The following DNAH17 variants were observed in gnomAD, a reference collection of about 807,000 sequenced individuals.
DNAH17 encodes the protein dynein axonemal heavy chain 17.
DNAH17 carries 376 observed loss-of-function variants against 485.6 expected under a neutral mutation model. The observed-to-expected ratio is 0.77, with a 90% CI of 0.71 to 0.84. DNAH17 has a LOEUF of 0.84. Among genes scored for constraint, DNAH17 ranks in the 40% least tolerant of loss-of-function variants. DNAH17 has a pLI of 0.00. For missense variants in DNAH17, 6,370 were observed against 5,839.3 expected (o/e 1.09, Z -2.96); for synonymous variants, 3,031 against 2,405.9 (o/e 1.26, Z -7.60).
At chr17:78,466,853 A>G in intron 55 of DNAH17, 37 bp from the exon 56 acceptor site, 1 of 1,516,460 alleles carries the variant, frequency 6.6e-7, no homozygotes, top group Non-Finnish European at 8.9e-7. Context: ...GCCTACTGGG[A>G]CTGCAGTGCT....
At chr17:78,447,388 C>T (rs979292608) in intron 69 of DNAH17, among the ~76,000 whole-genome samples, 3 of 152,158 alleles carry the variant, frequency 2.0e-5, no homozygotes, top group Non-Finnish European at 4.4e-5. Context: ...CATGCCGGCC[C>T]TCTGGACCTC....
chr17:78,523,611 A>G (rs948288860), intron 25 of DNAH17, among the ~76,000 whole-genome samples: 1 of 152,266 alleles, frequency 6.6e-6, no homozygotes, highest in Non-Finnish European at 1.5e-5. Flanking sequence ...TATAGATGTC[A>G]AATAAGCCCA....
chr17:78,561,803 G>C lies in DNAH17; in HGVS notation c.1747C>G (p.Pro583Ala), dbSNP rs369400346. Residue 583 changes from proline (P) to alanine (A), a missense_variant, in exon 12 of 81, where the codon CCT becomes GCT. Transcript: ENST00000389840. ...GNIPLIHKNMPPVAGQLKWSL... is the reference protein window; with the variant it reads ...GNIPLIHKNMAPVAGQLKWSL... ...CATTTGAGCTGCCCGGCCACGGGAG[G>C]CATGTTTTTGTGGATCAGGGGGATG... 6.8e-6 allele frequency: 11 copies of C among 1,613,680 alleles called. No individual in the cohort carries two copies. Among genetic ancestry groups the C allele is most frequent in the African/African-American group, 4.0e-5 (3 of 74,924 alleles).
chr17:78,467,398 C>T (rs2088522349), intron 55 of DNAH17, among the ~76,000 whole-genome samples: 1 of 152,224 alleles, frequency 6.6e-6, no homozygotes, highest in African/African-American at 2.4e-5. Flanking sequence ...CACTGCTTAG[C>T]TGACTTTGCA....
rs1242299413 is a variant in DNAH17 at position 78,454,569 on chromosome 17, T to A, written c.10307A>T (p.Glu3436Val). The change falls in exon 64 of 81, where the codon GAG (glutamate) becomes GTG (valine). Residue 3436 changes from glutamate to valine, a missense_variant. Coordinates refer to ENST00000389840, the MANE Select transcript of DNAH17 (RefSeq NM_173628.4). The stretch of plus-strand genomic sequence containing the variant: ...GGCGTCCACGATCAGCGGCCACCGC[T>A]CGGTGTTGCCCAGGATGGTGGCATT... Reference protein sequence around the residue: ...TENATILGNTERWPLIVDAQL... With the variant: ...TENATILGNTVRWPLIVDAQL... 1 of 1,612,988 alleles carries A rather than the reference T, an allele frequency of 6.2e-7. No individual in the cohort carries two copies. Among genetic ancestry groups the A allele is most frequent in the East Asian group, 2.2e-5 (1 of 44,826 alleles).
intron 4 of DNAH17, 49 bp downstream of exon 4, chr17:78,571,541 C>T (rs1018802091): frequency 9.4e-6 from 15 of 1,601,606 alleles, no homozygotes; most frequent in African/African-American, 8.0e-5. Context: ...TCGGCCCGGT[C>T]GCCCAGCTGG....
chr17:78,458,854 G>A, intron 61 of DNAH17, 147 bp downstream of exon 61: 2 of 1,069,082 alleles, frequency 1.9e-6, no homozygotes, highest in Non-Finnish European at 2.8e-6. Context: ...GGCACCATCT[G>A]GCCCCTGCCT....
intron 61 of DNAH17, 116 bp downstream of exon 61, chr17:78,458,885 T>C (rs1598483563): frequency 1.6e-6 from 2 of 1,241,520 alleles, no homozygotes; most frequent in African/African-American, 3.0e-5. Context: ...CCTCTTGCAC[T>C]GCTGAATAAT....
At position 78,486,014 on chromosome 17, in the gene DNAH17, C is replaced by T. The variant is rs374152560; in HGVS notation, c.7221G>A (p.Leu2407=). The T allele has an allele frequency of 7.7e-5, 125 of 1,613,906 alleles. No homozygotes were observed. In the African/African-American group the frequency reaches 1.6e-3, roughly 21 times the overall value. Residue 2407 remains leucine (L), a synonymous_variant, in exon 46 of 81, where the codon CTG becomes CTA. Transcript: ENST00000389840. ...AGGAGGGCACTTTATCTGTCCAGGG[C>T]AGGAACTTTTTTGTGTCAGGATCAA... is the stretch of plus-strand genomic sequence containing the variant. ...YYIDPDTKKF[L]PWTDKVPSFE... is the part of the protein sequence containing the mutation.
chr17:78,452,724 C>T (rs137892320), intron 65 of DNAH17, among the ~76,000 whole-genome samples: 1 of 152,186 alleles, frequency 6.6e-6, no homozygotes, highest in African/African-American at 2.4e-5. Context: ...GACGACAGAG[C>T]GAGACTCCAT....
chr17:78,472,739 G>C (rs937350275), intron 54 of DNAH17: 1 of 454,392 alleles, frequency 2.2e-6, no homozygotes, highest in African/African-American at 2.0e-5. Context: ...GCCCTCGCTG[G>C]CCCTGGTTTC....
At position 78,459,701 on chromosome 17, in the gene DNAH17, G is replaced by A. The variant is rs932475802; in HGVS notation, c.9653+83C>T. 4.0e-6 allele frequency: 6 copies of A among 1,494,286 alleles called. No individual in the cohort carries two copies. The African/African-American group carries it at 5.5e-5, about 14-fold the overall frequency. The allele number at this position is 1,494,286 out of a possible 1,614,324, so 92.6% of individuals were successfully genotyped here. A position where few individuals can be genotyped will look rare whatever the true frequency, so the allele number is the denominator to read the frequency against. The stretch of plus-strand genomic sequence containing the variant: ...GAGCCACAGGCCCCAAGAGCCTGAG[G>A]CCATGCTTCACCTCAGCATCGTGCC... On this transcript the variant is annotated intron_variant, in intron 60 of 80. Coordinates refer to ENST00000389840, the MANE Select transcript of DNAH17 (RefSeq NM_173628.4).
Position 78,496,016 on chromosome 17 carries a change from T to C in DNAH17, c.5762A>G (p.Asp1921Gly). The C allele has an allele frequency of 6.8e-6, 11 of 1,613,866 alleles. No individual in the cohort carries two copies. Among genetic ancestry groups the C allele is most frequent in the Non-Finnish European group, 9.3e-6 (11 of 1,179,816 alleles). ...VIAVQVKCVQ[D>G]AIRAKKKAFN... ...TGCTTTTTTCTTGGCCCGAATTGCA[T>C]CCTGGACACATTTTACCTGCACGGT... The change falls in exon 38 of 81, where the codon GAT becomes GGT. Residue 1921 changes from aspartate to glycine, a missense_variant. By Grantham distance (94) the Asp-to-Gly change is moderately conservative. Coordinates refer to ENST00000389840, the MANE Select transcript of DNAH17 (RefSeq NM_173628.4).
chr17:78,514,858 C>G lies in DNAH17; in HGVS notation c.4029G>C (p.Val1343=). The G allele has an allele frequency of 6.2e-7, 1 of 1,614,062 alleles. No individual in the cohort carries two copies. The highest frequency in any genetic ancestry group is 8.5e-7 in the Non-Finnish European group (1 of 1,179,900). ...FVGLDNTVKN[V]ITSLRAVSEL... is the part of the protein sequence containing the mutation. ...CGCTCACGGCACGCAGGGACGTGAT[C>G]ACGTTTTTCACGGTGTTGTCGAGCC... is the stretch of plus-strand genomic sequence containing the variant. Residue 1343 remains valine, a synonymous_variant, in exon 26 of 81, where the codon GTG becomes GTC. Coordinates refer to ENST00000389840, the MANE Select transcript of DNAH17 (RefSeq NM_173628.4).
chr17:78,525,033 C>T lies in DNAH17; in HGVS notation c.3840G>A (p.Lys1280=), dbSNP rs1326845857. 6.2e-7 allele frequency: 1 copy of T among 1,613,560 alleles called. No individual in the cohort carries two copies. The highest frequency in any genetic ancestry group is 2.2e-5 in the East Asian group (1 of 44,892). Residue 1280 remains lysine, a synonymous_variant, in exon 25 of 81, where the codon AAG becomes AAA. Coordinates refer to ENST00000389840, the MANE Select transcript of DNAH17 (RefSeq NM_173628.4). ...CCACAACAACCATGTCCCAGAGCTC[C>T]TTCAGTAGGCGGACCTCCCGGTGGC... The part of the protein sequence containing the change: ...KACHREVRLL[K]ELWDMVVVVN...
chr17:78,569,950 G>A (rs1159121133), intron 7 of DNAH17, among the ~76,000 whole-genome samples: 2 of 152,228 alleles, frequency 1.3e-5, no homozygotes, highest in African/African-American at 2.4e-5. Flanking sequence ...GTGGTTTGAT[G>A]TGCGATTAGA....
intron 16 of DNAH17, among the ~76,000 whole-genome samples, chr17:78,545,270 C>CT (rs773006762): frequency 7.9e-5 from 12 of 152,144 alleles, no homozygotes; most frequent in African/African-American, 4.8e-5. Context: ...GAAGGATTTC[C>CT]TTTTTTTATT....
At chr17:78,540,490 G>GGTCT (rs1478995356) in intron 17 of DNAH17, among the ~76,000 whole-genome samples, 1 of 35,468 alleles carries the variant, frequency 2.8e-5, no homozygotes, top group Admixed American at 3.1e-4. Context: ...TGAGTGGGTG[G>GGTCT]GTGGATGGGT....
rs2091092859 is a variant in DNAH17 at position 78,526,870 on chromosome 17, G to A, written c.3624+10C>T. The A allele has an allele frequency of 1.3e-6, 2 of 1,567,006 alleles. No homozygotes were observed. The highest frequency in any genetic ancestry group is 1.7e-6 in the Non-Finnish European group (2 of 1,155,096). ...CCGGAAATCCCGCCACCCTGCCCCA[G>A]GTATAATACCTCGAATTGCTGGCAT... On this transcript the variant is annotated intron_variant, in intron 23 of 80. Coordinates refer to ENST00000389840, the MANE Select transcript of DNAH17 (RefSeq NM_173628.4).
Sources: allele counts gnomAD v4.1 joint callset (sites outside exome capture counted in the v4.1 genomes callset), GRCh38; gene constraint gnomAD v4.1.1; transcripts MANE v1.5; gene names NCBI Gene and HGNC (gene_info 2026-07-23, HGNC 2026-07-21).